The following KIR2DL3 variants were observed in gnomAD, a reference collection of about 807,000 sequenced individuals.
KIR2DL3 encodes killer cell immunoglobulin like receptor, two Ig domains and long cytoplasmic tail 3.
In KIR2DL3, 39 loss-of-function variants were observed where a neutral mutation model predicts 33.8. The observed-to-expected ratio is 1.15, with a 90% CI of 0.89 to 1.51. The LOEUF is 1.51. Among genes scored for constraint, KIR2DL3 ranks in the 40% most tolerant of loss-of-function variants. KIR2DL3 has a pLI of 0.00. For missense variants in KIR2DL3, 462 were observed against 426.2 expected (o/e 1.08, Z -0.74); for synonymous variants, 174 against 160.2 (o/e 1.09, Z -0.65).
In KIR2DL3 at chr19:54,743,952, G is replaced by A. The variant is rs1390937503; in HGVS notation, c.528G>A (p.Lys176=). ...AACGTAGGTTCTCTGCAGGGCCCAA[G>A]GTCAACGGAACATTCCAGGCCGACT... is the stretch of plus-strand genomic sequence containing the variant. ...AHERRFSAGP[K]VNGTFQADFP... The change falls in exon 4 of 8, where the codon AAG becomes AAA. Residue 176 remains lysine (K), a synonymous_variant. Transcript: ENST00000342376. 2 of 1,614,062 alleles carry A rather than the reference G, an allele frequency of 1.2e-6. No individual in the cohort carries two copies. Among genetic ancestry groups the A allele is most frequent in the African/African-American group, 2.7e-5 (2 of 74,894 alleles).
chr19:54,740,526 C>T (rs1475571404), intron 2 of KIR2DL3, among the ~76,000 whole-genome samples: 1 of 151,724 alleles, frequency 6.6e-6, no homozygotes, highest in African/African-American at 2.4e-5. Flanking sequence ...CAGCACCCAG[C>T]AACCCCCTGG....
Position 54,752,826 on chromosome 19 carries a change from T to A in KIR2DL3, c.*307T>A. The A allele has an allele frequency of 4.1e-6, 2 of 492,492 alleles. No individual in the cohort carries two copies. Among genetic ancestry groups the A allele is most frequent in the East Asian group, 6.3e-5 (2 of 31,544 alleles). The allele number at this position is 492,492 out of a possible 1,614,324, so 30.5% of individuals were successfully genotyped here. A position where few individuals can be genotyped will look rare whatever the true frequency, so the allele number is the denominator to read the frequency against. Reference sequence around the variant, plus strand: ...ACCTCTCCAACCTAACTGGCTTACTTCCTAGTCTACTTGAGGCTGCAATCA... The same window carrying A: ...ACCTCTCCAACCTAACTGGCTTACTACCTAGTCTACTTGAGGCTGCAATCA... On this transcript the variant is annotated 3_prime_UTR_variant, in exon 8 of 8. Coordinates refer to ENST00000342376, the MANE Select transcript of KIR2DL3 (RefSeq NM_015868.3).
rs1490397683 is a variant in KIR2DL3, at chr19:54,745,270, T to A, written c.664+1182T>A. On this transcript the variant is annotated intron_variant, in intron 4 of 7. Coordinates refer to ENST00000342376, the MANE Select transcript of KIR2DL3 (RefSeq NM_015868.3). ...TGCACCAATCATACGAGTGCAGATA[T>A]CACTTCGATATATTGATTTACTTTC... 2.6e-5 allele frequency among the ~76,000 whole-genome samples: 4 copies of A among 152,290 alleles called. No individual in the cohort carries two copies. The East Asian group carries it at 7.7e-4, about 29-fold the overall frequency.
chr19:54,739,599 A>G (rs2146976625), intron 2 of KIR2DL3, 57 bp downstream of exon 2: 2 of 1,613,668 alleles, frequency 1.2e-6, no homozygotes, highest in East Asian at 2.2e-5. Flanking sequence ...GATTTTCCTG[A>G]AACAGGAGGG....
intron 3 of KIR2DL3, 27 bp from the exon 4 acceptor site, chr19:54,743,768 G>T: frequency 1.3e-6 from 2 of 1,519,624 alleles, no homozygotes; most frequent in Non-Finnish European, 8.9e-7. Flanking sequence ...AAGATCCTCC[G>T]TAAGGAAAAT....
At chr19:54,750,943 C>A (rs1275948085) in intron 5 of KIR2DL3, among the ~76,000 whole-genome samples, 1 of 133,828 alleles carries the variant, frequency 7.5e-6, no homozygotes, top group Non-Finnish European at 1.6e-5. Flanking sequence ...ATGACGTCCT[C>A]CTCCAGGAAG....
intron 3 of KIR2DL3, among the ~76,000 whole-genome samples, chr19:54,743,227 G>C (rs1283110196): frequency 3.9e-5 from 6 of 152,286 alleles, no homozygotes; most frequent in Non-Finnish European, 7.4e-5. Context: ...ATGATTGATT[G>C]ATTCATTAAT....
rs1416182600 is a variant in KIR2DL3, at chr19:54,741,401, C to G, written c.71-579C>G. 3.9e-5 allele frequency among the ~76,000 whole-genome samples: 6 copies of G among 151,924 alleles called. 1 individual carries two copies. Among genetic ancestry groups the G allele is most frequent in the Admixed American group, 3.9e-4 (6 of 15,250 alleles). On this transcript the variant is annotated intron_variant, in intron 2 of 7. Coordinates refer to ENST00000342376, the MANE Select transcript of KIR2DL3 (RefSeq NM_015868.3). Reference sequence around the variant, plus strand: ...AGAAGGTTGGCTACCCTGAGATCAGCAAGGGTGGGATGATGATGCCACCAC... The same window carrying G: ...AGAAGGTTGGCTACCCTGAGATCAGGAAGGGTGGGATGATGATGCCACCAC...
In KIR2DL3 at chr19:54,742,303, T is replaced by A; in HGVS notation, c.370+24T>A. The A allele has an allele frequency of 5.0e-6, 8 of 1,612,964 alleles. No individual in the cohort carries two copies. The South Asian group carries it at 6.6e-5, about 13-fold the overall frequency. On this transcript the variant is annotated intron_variant, in intron 3 of 7. Transcript: ENST00000342376. The stretch of plus-strand genomic sequence containing the variant: ...AGGTGAGAGTGTCCGGACATTCTCA[T>A]TGTCATTGGGATGCAGAGTGAATGA...
chr19:54,743,191 G>C (rs1412918184), intron 3 of KIR2DL3, among the ~76,000 whole-genome samples: 2 of 152,090 alleles, frequency 1.3e-5, no homozygotes, highest in African/African-American at 2.4e-5. Flanking sequence ...GTAGATGATA[G>C]ATAATAGGTT....
In KIR2DL3 at chr19:54,742,347, C is replaced by A. The variant is rs1479235032; in HGVS notation, c.370+68C>A. ...TGAATGATCCACGACTTGGAACCCC[C>A]AGGTAGTTGTAAGGAAGATGAGCTT... On this transcript the variant is annotated intron_variant, in intron 3 of 7. Coordinates refer to ENST00000342376, the MANE Select transcript of KIR2DL3 (RefSeq NM_015868.3). 2.9e-5 allele frequency: 45 copies of A among 1,563,992 alleles called. No individual in the cohort carries two copies. The African/African-American group carries it at 5.8e-4, about 20-fold the overall frequency.
intron 2 of KIR2DL3, among the ~76,000 whole-genome samples, chr19:54,739,786 C>T (rs957284899): frequency 6.6e-6 from 1 of 152,126 alleles, no homozygotes; most frequent in South Asian, 2.1e-4. Context: ...GTGGTAGGAA[C>T]AGCAGATCCT....
intron 3 of KIR2DL3, among the ~76,000 whole-genome samples, chr19:54,743,006 A>G (rs2071473114): frequency 6.6e-6 from 1 of 151,972 alleles, no homozygotes; most frequent in Non-Finnish European, 1.5e-5. Context: ...AGTGGTGAGA[A>G]TGATGGCAGG....
chr19:54,746,623 T>G (rs1216169380), intron 4 of KIR2DL3, among the ~76,000 whole-genome samples: 1 of 148,516 alleles, frequency 6.7e-6, no homozygotes, highest in Non-Finnish European at 1.5e-5. Flanking sequence ...ATGTCCAGGT[T>G]TCCCTGCACT....
chr19:54,747,431 G>A (rs1464793433), intron 5 of KIR2DL3, 46 bp downstream of exon 5: 4 of 1,592,930 alleles, frequency 2.5e-6, no homozygotes, highest in Admixed American at 1.7e-5. Context: ...ACCTGGGGAG[G>A]TAGAAACCTT....
chr19:54,746,457 T>G (rs2072501105), intron 4 of KIR2DL3, among the ~76,000 whole-genome samples: 2 of 147,730 alleles, frequency 1.4e-5, no homozygotes, highest in South Asian at 4.5e-4. Flanking sequence ...TAAAACAAAA[T>G]GTCTTCCTTC....
chr19:54,747,691 C>A (rs2072765020), intron 5 of KIR2DL3, among the ~76,000 whole-genome samples: 1 of 152,146 alleles, frequency 6.6e-6, no homozygotes, highest in African/African-American at 2.4e-5. Flanking sequence ...AGGATAAATT[C>A]CTGGGGGCTT....
At chr19:54,740,588 C>G (rs1285902509) in intron 2 of KIR2DL3, among the ~76,000 whole-genome samples, 5 of 151,612 alleles carry the variant, frequency 3.3e-5, no homozygotes, top group African/African-American at 9.7e-5. Context: ...CCTTGTCCCA[C>G]CTCCTGAATC....
In KIR2DL3 at chr19:54,742,170, C is replaced by T. The variant is rs147414118; in HGVS notation, c.261C>T (p.Ile87=). The change falls in exon 3 of 8, where the codon ATC becomes ATT. Residue 87 remains isoleucine (I), a synonymous_variant. Coordinates refer to ENST00000342376, the MANE Select transcript of KIR2DL3 (RefSeq NM_015868.3). ...HDGVSKANFS[I]GPMMQDLAGT... is the part of the protein sequence containing the mutation. ...GGGTCTCCAAGGCCAACTTCTCCAT[C>T]GGTCCCATGATGCAAGACCTTGCAG... 8.6e-4 allele frequency: 1,394 copies of T among 1,614,126 alleles called. No individual in the cohort carries two copies. In the African/African-American group the frequency reaches 0.016, roughly 19 times the overall value.
Sources: gnomAD v4.1 joint callset for allele counts (sites outside exome capture counted in the v4.1 genomes callset) on GRCh38, gnomAD v4.1.1 for gene constraint, MANE v1.5 for transcripts, NCBI Gene and HGNC (gene_info 2026-07-23, HGNC 2026-07-21) for gene names.